RIMS1: variants seen among roughly 807,000 people sequenced by gnomAD.
RIMS1 encodes regulating synaptic membrane exocytosis 1, also known as regulating synaptic membrane exocytosis protein 1.
RIMS1 carries 83 observed loss-of-function variants against 214.1 expected under a neutral mutation model. The observed-to-expected ratio is 0.39, with a 90% confidence interval of 0.32 to 0.47. RIMS1 has a LOEUF of 0.47. Ranked by LOEUF, RIMS1 falls within the 20% of genes least tolerant of loss-of-function variation. The pLI is 0.99. For missense variants in RIMS1, 2,050 were observed against 2,161.8 expected, an observed-to-expected ratio of 0.95 and a Z score of 1.03; for synonymous variants, 793 against 786.8, an observed-to-expected ratio of 1.01 and a Z score of -0.13.
intron 4 of RIMS1, among the ~76,000 whole-genome samples, chr6:72,113,241 A>T (rs960125618): frequency 1.7e-4 from 26 of 152,062 alleles, no homozygotes; most frequent in African/African-American, 6.3e-4. Context: ...GTTTATTTCA[A>T]AGCCTTCCAT....
chr6:71,888,385 A>G (rs1448215127), intron 1 of RIMS1, among the ~76,000 whole-genome samples: 2 of 152,196 alleles, frequency 1.3e-5, no homozygotes, highest in African/African-American at 2.4e-5. Context: ...ATGAAGAGCC[A>G]AAAGGAACCT....
chr6:72,037,429 C>T (rs1459347780), intron 2 of RIMS1, among the ~76,000 whole-genome samples: 1 of 151,830 alleles, frequency 6.6e-6, no homozygotes, highest in Non-Finnish European at 1.5e-5. Context: ...AGGAAAAGAG[C>T]CCAAAGGGTT....
At chr6:72,262,985 G>T in intron 19 of RIMS1, 1 of 570,554 alleles carries the variant, frequency 1.8e-6, no homozygotes. Context: ...TGATTTTAGA[G>T]ATGAGGAAAA....
intron 4 of RIMS1, among the ~76,000 whole-genome samples, chr6:72,176,112 T>C (rs2047664359): frequency 6.6e-6 from 1 of 152,190 alleles, no homozygotes; most frequent in Non-Finnish European, 1.5e-5. Flanking sequence ...GCTTAACATC[T>C]GTAAATTGTT....
At chr6:71,993,361 T>A (rs1802466393) in intron 2 of RIMS1, among the ~76,000 whole-genome samples, 1 of 152,190 alleles carries the variant, frequency 6.6e-6, no homozygotes, top group Admixed American at 6.6e-5. Context: ...AAGCTTCAGG[T>A]GGAATCTATG....
At chr6:72,272,423 G>T (rs1477195657) in intron 22 of RIMS1, among the ~76,000 whole-genome samples, 1 of 152,110 alleles carries the variant, frequency 6.6e-6, no homozygotes, top group African/African-American at 2.4e-5. Context: ...TCCACTGTAT[G>T]TGGGAAAAAG....
intron 6 of RIMS1, among the ~76,000 whole-genome samples, chr6:72,205,865 G>T (rs1159555370): frequency 6.6e-6 from 1 of 152,008 alleles, no homozygotes; most frequent in East Asian, 1.9e-4. Context: ...ATATTGTGTA[G>T]CCATGAAAAT....
chr6:72,388,315 T>C (rs1287345165), intron 29 of RIMS1, among the ~76,000 whole-genome samples: 3 of 152,140 alleles, frequency 2.0e-5, no homozygotes, highest in African/African-American at 7.2e-5. Context: ...AGCAGCATGC[T>C]TGCAGGCTTG....
rs913011069 is a variant in RIMS1, at chr6:72,158,204, A to T, written c.472-21371A>T. On this transcript the variant is annotated intron_variant, in intron 4 of 33. Transcript: ENST00000521978. The stretch of plus-strand genomic sequence containing the variant: ...TTTCCTGTGATGCTTCTGGTAACAC[A>T]TTCACTTTTTGTTTGAATCAAAATG... 2.1e-5 allele frequency among the ~76,000 whole-genome samples: 3 copies of T among 140,972 alleles called. 1 individual carries two copies. Among genetic ancestry groups the T allele is most frequent in the Non-Finnish European group, 4.8e-5 (3 of 62,034 alleles). The allele number at this position is 140,972 out of a possible 152,430, so 92.5% of individuals were successfully genotyped here.
chr6:72,085,376 A>G (rs1238988486), intron 2 of RIMS1, among the ~76,000 whole-genome samples: 1 of 152,146 alleles, frequency 6.6e-6, no homozygotes, highest in Admixed American at 6.6e-5. Context: ...ATGCTTTTTA[A>G]AACTCACATA....
At chr6:72,087,268 A>C (rs1323027030) in intron 2 of RIMS1, among the ~76,000 whole-genome samples, 1 of 152,246 alleles carries the variant, frequency 6.6e-6, no homozygotes, top group Non-Finnish European at 1.5e-5. Flanking sequence ...AAGAACTGAG[A>C]GTCCTGGGGA....
chr6:72,109,457 G>A (rs2035543649), intron 4 of RIMS1, among the ~76,000 whole-genome samples: 2 of 152,054 alleles, frequency 1.3e-5, no homozygotes, highest in African/African-American at 4.8e-5. Flanking sequence ...GCCAGTGATG[G>A]TGGGCATTTT....
At chr6:71,893,030 T>C (rs1338033260) in intron 1 of RIMS1, among the ~76,000 whole-genome samples, 8 of 152,206 alleles carry the variant, frequency 5.3e-5, no homozygotes, top group Non-Finnish European at 1.2e-4. Context: ...AGCTTTAAAA[T>C]GATAGTGGAG....
intron 2 of RIMS1, among the ~76,000 whole-genome samples, chr6:72,031,953 G>A (rs547135): frequency 0.77 from 117,848 of 152,090 alleles, 46,286 homozygotes; most frequent in African/African-American, 0.91. Flanking sequence ...GCATAAGCAA[G>A]GTTTTATAAT....
chr6:72,154,300 G>A lies in RIMS1; in HGVS notation c.472-25275G>A, dbSNP rs567402836. 1.6e-4 allele frequency among the ~76,000 whole-genome samples: 23 copies of A among 139,902 alleles called. 1 individual carries two copies. Among genetic ancestry groups the A allele is most frequent in the African/African-American group, 5.4e-4 (22 of 40,630 alleles). 91.8% of individuals were successfully genotyped at this position (139,902 alleles called of 152,430 possible). A position where few individuals can be genotyped will look rare whatever the true frequency, so the allele number is the denominator to read the frequency against. On this transcript the variant is annotated intron_variant, in intron 4 of 33. Coordinates refer to ENST00000521978, the MANE Select transcript of RIMS1 (RefSeq NM_014989.7). ...GTTGCTATGCTTGCAGACAACTGAC[G>A]GATAGATGGATGTATTGATTGTATA...
chr6:72,003,653 G>A (rs917154695), intron 2 of RIMS1, among the ~76,000 whole-genome samples: 1 of 151,782 alleles, frequency 6.6e-6, no homozygotes, highest in Admixed American at 6.6e-5. Flanking sequence ...TGTGTGATAA[G>A]AATTTACGTA....
chr6:72,222,353 CTGTG>C (rs2058730765), intron 6 of RIMS1, among the ~76,000 whole-genome samples: 1 of 151,992 alleles, frequency 6.6e-6, no homozygotes. Flanking sequence ...TTCAGCTACT[CTGTG>C]TGGGGAGTAT....
chr6:72,202,946 C>T (rs1349234735), intron 6 of RIMS1, among the ~76,000 whole-genome samples: 1 of 152,066 alleles, frequency 6.6e-6, no homozygotes, highest in African/African-American at 2.4e-5. Flanking sequence ...GTGCCTTGTA[C>T]CTGATACATA....
intron 29 of RIMS1, among the ~76,000 whole-genome samples, chr6:72,355,647 C>T (rs1056590080): frequency 1.3e-5 from 2 of 152,070 alleles, no homozygotes; most frequent in Non-Finnish European, 2.9e-5. Context: ...ACTGCCAGTT[C>T]GAGATGTTGG....
Sources: gnomAD v4.1 joint callset for allele counts (sites outside exome capture counted in the v4.1 genomes callset) on GRCh38, gnomAD v4.1.1 for gene constraint, MANE v1.5 for transcripts, NCBI Gene and HGNC (gene_info 2026-07-23, HGNC 2026-07-21) for gene names.